NTRK2: variants seen among roughly 807,000 people sequenced by gnomAD.
NTRK2 encodes the protein neurotrophic receptor tyrosine kinase 2, also known as BDNF/NT-3 growth factors receptor.
NTRK2 carries 13 observed loss-of-function variants against 94.5 expected under a neutral mutation model. The ratio of observed to expected loss-of-function variants is 0.14; its 90% confidence interval spans 0.09 to 0.22. The LOEUF is 0.22. Among genes scored for constraint, NTRK2 ranks in the 10% least tolerant of loss-of-function variants. The pLI, the probability that NTRK2 is intolerant of heterozygous loss-of-function variation, is 1.00. For synonymous variants in NTRK2, 372 were observed against 407.4 expected (o/e 0.91, Z 1.05); for missense variants, 639 against 1,071.2 (o/e 0.60, Z 5.63).
At chr9:84,686,880 T>G (rs2059750767) in intron 2 of NTRK2, among the ~76,000 whole-genome samples, 1 of 152,232 alleles carries the variant, frequency 6.6e-6, no homozygotes, top group African/African-American at 2.4e-5. Flanking sequence ...GTCTATAGGT[T>G]AATAAATTGT....
intron 17 of NTRK2, among the ~76,000 whole-genome samples, chr9:84,982,536 A>T (rs1827759372): frequency 6.6e-6 from 1 of 152,234 alleles, no homozygotes. Flanking sequence ...CTATATGCCA[A>T]CTACATCATC....
At chr9:84,997,109 A>G (rs1023397334) in intron 17 of NTRK2, among the ~76,000 whole-genome samples, 2 of 151,840 alleles carry the variant, frequency 1.3e-5, no homozygotes, top group African/African-American at 4.8e-5. Context: ...TTGTAAAGCC[A>G]GTGTCTATCA....
intron 17 of NTRK2, among the ~76,000 whole-genome samples, chr9:84,990,091 T>C (rs550108099): frequency 1.3e-5 from 2 of 152,316 alleles, no homozygotes; most frequent in East Asian, 3.9e-4. Context: ...AGGATTAAAT[T>C]AGATGAAATG....
At chr9:85,014,835 T>C (rs937913170) in intron 17 of NTRK2, among the ~76,000 whole-genome samples, 4 of 152,238 alleles carry the variant, frequency 2.6e-5, no homozygotes, top group Non-Finnish European at 5.9e-5. Flanking sequence ...CAGTTGTTAT[T>C]TTTCTCTACA....
rs1324120381 is a variant in NTRK2, at chr9:85,026,515, A to G, written c.*5078A>G. ...TAAAAAATGTATAAAGCAGCTGGAA[A>G]TGTTTTAAATACAAGGTCTTTGAAT... On this transcript the variant is annotated 3_prime_UTR_variant, in exon 19 of 19. Coordinates refer to ENST00000277120, the MANE Select transcript of NTRK2 (RefSeq NM_006180.6). 2.6e-5 allele frequency: 6 copies of G among 232,544 alleles called. No homozygotes were observed. The highest frequency in any genetic ancestry group is 5.1e-5 in the Non-Finnish European group (6 of 117,690). 14.4% of individuals were successfully genotyped at this position (232,544 alleles called of 1,614,324 possible). A position where few individuals can be genotyped will look rare whatever the true frequency, so the allele number is the denominator to read the frequency against.
intron 12 of NTRK2, among the ~76,000 whole-genome samples, chr9:84,842,102 C>G (rs534945771): frequency 6.6e-6 from 1 of 152,202 alleles, no homozygotes; most frequent in Admixed American, 6.5e-5. Flanking sequence ...GGAATCCCTG[C>G]TAATCCCCTG....
At chr9:84,875,514 A>G (rs200208626) in intron 14 of NTRK2, 65 of 1,063,298 alleles carry the variant, frequency 6.1e-5, no homozygotes, top group Non-Finnish European at 6.8e-5. Context: ...GAAGCAGATG[A>G]TCACTTTTTG....
rs148995306 is a variant in NTRK2 at position 84,709,564 on chromosome 9, G to T, written c.429-1073G>T. On this transcript the variant is annotated intron_variant, in intron 5 of 18. Coordinates refer to ENST00000277120, the MANE Select transcript of NTRK2 (RefSeq NM_006180.6). ...TTTCCCCTAAGAAACTCCTGGAAAA[G>T]TCTCCAGGGATCCCTGAGATTCTTA... Among the ~76,000 whole-genome samples the T allele has an allele frequency of 6.6e-3, 1,012 of 152,252 alleles. 9 individuals carry two copies. The highest frequency in any genetic ancestry group is 0.023 in the African/African-American group (960 of 41,542).
rs80114600 is a variant in NTRK2 at position 84,884,959 on chromosome 9, A to AG, written c.1633+17529dup. On this transcript the variant is annotated intron_variant, in intron 14 of 18. Transcript: ENST00000277120. ...TTCACAATATTAAACATAAAAGAAA[A>AG]GCCACTAAACTAAGAGTAGAACATG... 4.7e-3 allele frequency among the ~76,000 whole-genome samples: 712 copies of AG among 152,326 alleles called. 13 individuals carry two copies. Among genetic ancestry groups the AG allele is most frequent in the Admixed American group, 0.038 (578 of 15,294 alleles).
chr9:85,018,591 A>G (rs1942187673), intron 17 of NTRK2, among the ~76,000 whole-genome samples: 1 of 152,184 alleles, frequency 6.6e-6, no homozygotes, highest in African/African-American at 2.4e-5. Context: ...TCCCTCTCCC[A>G]AAGTCCTGGG....
intron 14 of NTRK2, among the ~76,000 whole-genome samples, chr9:84,916,933 A>G (rs1564461602): frequency 6.6e-6 from 1 of 152,184 alleles, no homozygotes; most frequent in African/African-American, 2.4e-5. Context: ...CTACCATAAA[A>G]TTAATTGTTG....
chr9:84,970,982 T>C (rs1826117093), intron 17 of NTRK2, among the ~76,000 whole-genome samples: 1 of 152,254 alleles, frequency 6.6e-6, no homozygotes, highest in Non-Finnish European at 1.5e-5. Context: ...ATCTCCACTT[T>C]TACTTTTTTC....
chr9:84,885,143 G>A (rs921301928), intron 14 of NTRK2, among the ~76,000 whole-genome samples: 2 of 152,206 alleles, frequency 1.3e-5, no homozygotes, highest in Non-Finnish European at 2.9e-5. Context: ...TTCTAGGATA[G>A]AGATGATCAC....
At chr9:84,894,136 G>A (rs145570222) in intron 14 of NTRK2, among the ~76,000 whole-genome samples, 385 of 149,130 alleles carry the variant, frequency 2.6e-3, no homozygotes, top group African/African-American at 9.2e-3. Context: ...CCCACACTTG[G>A]GGGTGTTTGG....
intron 14 of NTRK2, chr9:84,871,648 A>C: frequency 1.3e-6 from 1 of 780,816 alleles, no homozygotes; most frequent in South Asian, 1.4e-5. Context: ...TATCCCTTGA[A>C]GTATGTTTTC....
At chr9:84,839,438 A>G in intron 12 of NTRK2, among the ~76,000 whole-genome samples, 1 of 152,198 alleles carries the variant, frequency 6.6e-6, no homozygotes, top group East Asian at 1.9e-4. Flanking sequence ...GAGAATAAAA[A>G]CCAGAGGCTT....
At chr9:84,771,615 G>C (rs1246843378) in intron 12 of NTRK2, among the ~76,000 whole-genome samples, 2 of 152,190 alleles carry the variant, frequency 1.3e-5, no homozygotes, top group African/African-American at 2.4e-5. Flanking sequence ...ATCGCAGACT[G>C]TACCTAGTCT....
chr9:84,673,757 C>G (rs983004400), intron 2 of NTRK2, among the ~76,000 whole-genome samples: 1 of 152,076 alleles, frequency 6.6e-6, no homozygotes, highest in East Asian at 1.9e-4. Flanking sequence ...GTCATTGAAC[C>G]TATTTTATTA....
chr9:84,694,949 G>A (rs12338738), intron 2 of NTRK2, among the ~76,000 whole-genome samples: 4,960 of 151,498 alleles, frequency 0.033, 285 homozygotes, highest in African/African-American at 0.11. Flanking sequence ...AGACCAAGGC[G>A]GGTGGATCAC....
Sources: allele counts gnomAD v4.1 joint callset (sites outside exome capture counted in the v4.1 genomes callset), GRCh38; gene constraint gnomAD v4.1.1; transcripts MANE v1.5; gene names NCBI Gene and HGNC (gene_info 2026-07-23, HGNC 2026-07-21).